The following FNDC3B variants were observed in gnomAD, a reference collection of about 807,000 sequenced individuals.
FNDC3B encodes fibronectin type III domain-containing protein 3B.
In FNDC3B, 12 loss-of-function variants were observed where a neutral mutation model predicts 151.5. The observed-to-expected ratio is 0.08, with a 90% CI of 0.05 to 0.13. The LOEUF (loss-of-function observed/expected upper bound fraction) is 0.13, where lower values mean the gene tolerates loss of function less well. FNDC3B is among the 10% of genes least tolerant of loss of function. The pLI is 1.00. For missense variants in FNDC3B, 1,214 were observed against 1,505.3 expected, an observed-to-expected ratio of 0.81 and a Z score of 3.20; for synonymous variants, 528 against 549.0, an observed-to-expected ratio of 0.96 and a Z score of 0.54.
At chr3:172,079,688 ATTT>A (rs747706028) in intron 1 of FNDC3B, among the ~76,000 whole-genome samples, 24 of 152,166 alleles carry the variant, frequency 1.6e-4, no homozygotes, top group Non-Finnish European at 3.2e-4. Context: ...GATTTGGGAC[ATTT>A]TTTAAAGAGA....
chr3:172,198,771 C>T (rs1273522940), intron 3 of FNDC3B, among the ~76,000 whole-genome samples: 1 of 152,144 alleles, frequency 6.6e-6, no homozygotes, highest in Admixed American at 6.5e-5. Flanking sequence ...ACCCCCTAAG[C>T]CTGGGATATC....
chr3:172,345,280 T>C (rs1021367466), intron 19 of FNDC3B, among the ~76,000 whole-genome samples: 8 of 152,208 alleles, frequency 5.3e-5, no homozygotes, highest in African/African-American at 1.9e-4. Context: ...TATAATCATG[T>C]AAGCGAAAAG....
chr3:172,352,755 T>C lies in FNDC3B; in HGVS notation c.2515-48T>C, dbSNP rs374467374. Reference sequence around the variant, plus strand: ...GGCAGCTAACTCAGAGGCATCAAAATGTGCTAATGGTGTAATATGGCCTTT... The same window carrying C: ...GGCAGCTAACTCAGAGGCATCAAAACGTGCTAATGGTGTAATATGGCCTTT... On this transcript the variant is annotated intron_variant, in intron 21 of 25. Transcript: ENST00000415807. The surrounding 1 kb of genome is among the most constrained non-coding windows in gnomAD (Gnocchi z 4.2). 5 of 1,568,190 alleles carry C rather than the reference T, an allele frequency of 3.2e-6. No individual in the cohort carries two copies. The African/African-American group carries it at 6.8e-5, about 21-fold the overall frequency.
At chr3:172,114,411 C>T (rs1484712980) in intron 2 of FNDC3B, among the ~76,000 whole-genome samples, 1 of 152,208 alleles carries the variant, frequency 6.6e-6, no homozygotes, top group East Asian at 1.9e-4. Flanking sequence ...TCCCATTTGC[C>T]TGTGTAGCCA....
rs747723219 is a variant in FNDC3B at position 172,181,827 on chromosome 3, C to CAAAA, written c.188-45023_188-45020dup. On this transcript the variant is annotated intron_variant, in intron 3 of 25. Transcript: ENST00000415807. Reference sequence around the variant, plus strand: ...CTGGTGACAGAGCAAGACTCCATCTCAAAAAAAAAAAAAAAAAAAAAAAAG... The same window carrying CAAAA: ...CTGGTGACAGAGCAAGACTCCATCTCAAAAAAAAAAAAAAAAAAAAAAAAAAAAG... Among the ~76,000 whole-genome samples the CAAAA allele has an allele frequency of 1.5e-3, 92 of 61,588 alleles. 1 individual carries two copies. Among genetic ancestry groups the CAAAA allele is most frequent in the African/African-American group, 5.0e-3 (78 of 15,732 alleles). The allele number at this position is 61,588 out of a possible 152,430, so 40.4% of individuals were successfully genotyped here. A position where few individuals can be genotyped will look rare whatever the true frequency, so the allele number is the denominator to read the frequency against.
intron 3 of FNDC3B, among the ~76,000 whole-genome samples, chr3:172,140,710 G>T (rs1170999876): frequency 6.6e-6 from 1 of 152,216 alleles, no homozygotes. Context: ...CTGGGATTGT[G>T]TAATGTCATG....
chr3:172,387,391 C>T (rs935285588), intron 25 of FNDC3B, among the ~76,000 whole-genome samples: 1 of 152,200 alleles, frequency 6.6e-6, no homozygotes, highest in African/African-American at 2.4e-5. Flanking sequence ...AGCCACCATG[C>T]CTGTCCCCTT....
Position 172,234,380 on chromosome 3 carries a change from A to G in FNDC3B, c.264+7433A>G, listed in dbSNP as rs551133441. 2.0e-5 allele frequency among the ~76,000 whole-genome samples: 3 copies of G among 152,368 alleles called. No homozygotes were observed. The South Asian group carries it at 6.2e-4, about 32-fold the overall frequency. ...TAGTTCCTTGAAAGGTACCCAGCACATAATAGGCATTTATCAAAATTTGGC... is the reference window on the plus strand; with the variant it reads ...TAGTTCCTTGAAAGGTACCCAGCACGTAATAGGCATTTATCAAAATTTGGC... On this transcript the variant is annotated intron_variant, in intron 4 of 25. Transcript: ENST00000415807.
chr3:172,041,625 T>A (rs916558585), intron 1 of FNDC3B, among the ~76,000 whole-genome samples: 1 of 151,932 alleles, frequency 6.6e-6, no homozygotes, highest in African/African-American at 2.4e-5. Context: ...TAACACTTTT[T>A]TTTTGAGGCC....
At chr3:172,168,776 G>A (rs1482622819) in intron 3 of FNDC3B, among the ~76,000 whole-genome samples, 1 of 148,942 alleles carries the variant, frequency 6.7e-6, no homozygotes, top group East Asian at 2.0e-4. Flanking sequence ...GCAGTGGCGC[G>A]ATCTCGGCTC....
intron 2 of FNDC3B, among the ~76,000 whole-genome samples, chr3:172,119,087 G>A (rs1263455705): frequency 2.7e-5 from 4 of 150,350 alleles, no homozygotes; most frequent in Admixed American, 6.6e-5. Flanking sequence ...GGAGAATGGC[G>A]TGAACCTGGG....
At chr3:172,310,354 A>C (rs1731406216) in intron 10 of FNDC3B, among the ~76,000 whole-genome samples, 1 of 152,132 alleles carries the variant, frequency 6.6e-6, no homozygotes, top group South Asian at 2.1e-4. Flanking sequence ...GAGGAACCTT[A>C]ATGTCGCTGA....
chr3:172,051,730 C>A (rs567734974), intron 1 of FNDC3B, among the ~76,000 whole-genome samples: 2 of 152,212 alleles, frequency 1.3e-5, no homozygotes, highest in South Asian at 4.2e-4. Flanking sequence ...GTTTTTTCCT[C>A]AAAGTAGGGA....
At chr3:172,289,931 C>T (rs1476061752) in intron 7 of FNDC3B, among the ~76,000 whole-genome samples, 2 of 152,162 alleles carry the variant, frequency 1.3e-5, no homozygotes, top group Non-Finnish European at 2.9e-5. Context: ...AGAAATACTA[C>T]CTGGGACTAT....
At chr3:172,164,111 A>G (rs1386956948) in intron 3 of FNDC3B, among the ~76,000 whole-genome samples, 1 of 152,218 alleles carries the variant, frequency 6.6e-6, no homozygotes, top group Non-Finnish European at 1.5e-5. Context: ...GTGAAAATTC[A>G]TTGAGCTAGT....
At chr3:172,323,835 A>G (rs1732210326) in intron 11 of FNDC3B, among the ~76,000 whole-genome samples, 1 of 152,180 alleles carries the variant, frequency 6.6e-6, no homozygotes, top group South Asian at 2.1e-4. Context: ...AGGACTTGAA[A>G]CCAAAAATGC....
At chr3:172,359,339 T>A (rs1321303708) in intron 22 of FNDC3B, among the ~76,000 whole-genome samples, 5 of 152,152 alleles carry the variant, frequency 3.3e-5, no homozygotes, top group African/African-American at 1.2e-4. Flanking sequence ...TGTATTAAAG[T>A]AGCTAAGAGC....
At chr3:172,234,008 G>T (rs186506007) in intron 4 of FNDC3B, among the ~76,000 whole-genome samples, 8 of 152,234 alleles carry the variant, frequency 5.3e-5, no homozygotes, top group African/African-American at 1.4e-4. Flanking sequence ...GACAGGGTTG[G>T]CAATGCTAAA....
rs564701813 is a variant in FNDC3B at position 172,297,683 on chromosome 3, C to T, written c.1002-1045C>T. On this transcript the variant is annotated intron_variant, in intron 8 of 25. Coordinates refer to ENST00000415807, the MANE Select transcript of FNDC3B (RefSeq NM_022763.4). ...TAGAGACGGGGTTTCACCGTGTTAG[C>T]CAGGATGGTCTCGATCTCCTGACCT... 3.3e-5 allele frequency among the ~76,000 whole-genome samples: 5 copies of T among 152,074 alleles called. No individual in the cohort carries two copies. In the East Asian group the frequency reaches 9.7e-4, roughly 29 times the overall value.
Sources: allele counts gnomAD v4.1 joint callset (sites outside exome capture counted in the v4.1 genomes callset), GRCh38; gene constraint gnomAD v4.1.1; non-coding constraint Gnocchi (gnomAD v3.1); transcripts MANE v1.5; gene names NCBI Gene and HGNC (gene_info 2026-07-23, HGNC 2026-07-21).